FARP1: variants seen among roughly 807,000 people sequenced by gnomAD.
The protein encoded by FARP1 is FERM, ARHGEF and pleckstrin domain-containing protein 1.
Under a neutral mutation model 128.8 loss-of-function variants are expected in FARP1, and 52 were observed. That is an observed-to-expected ratio of 0.40 (90% CI 0.32 to 0.51). The LOEUF is 0.51. Among genes scored for constraint, FARP1 ranks in the 20% least tolerant of loss-of-function variants. The probability of loss-of-function intolerance (pLI) is 0.45; values close to 1 mark genes in which losing one functional copy is unlikely to be tolerated. For synonymous variants in FARP1, 580 were observed against 551.8 expected (o/e 1.05, Z -0.72); for missense variants, 1,333 against 1,367.9 (o/e 0.97, Z 0.40).
chr13:98,159,783 T>A (rs1242449661), intron 1 of FARP1, among the ~76,000 whole-genome samples: 2 of 152,270 alleles, frequency 1.3e-5, no homozygotes, highest in East Asian at 3.9e-4. Context: ...CTTGTGATTT[T>A]AAAAAATATT....
At chr13:98,344,652 T>C (rs145344238) in intron 3 of FARP1, among the ~76,000 whole-genome samples, 113 of 152,266 alleles carry the variant, frequency 7.4e-4, no homozygotes, top group African/African-American at 2.7e-3. Context: ...ATGAGAACAT[T>C]CATTGTGAAG....
intron 1 of FARP1, among the ~76,000 whole-genome samples, chr13:98,180,675 C>T (rs748324622): frequency 6.6e-6 from 1 of 152,060 alleles, no homozygotes; most frequent in Non-Finnish European, 1.5e-5. Context: ...TATTGATGTT[C>T]TTGTTTTCTC....
chr13:98,219,825 C>T (rs1881308710), intron 2 of FARP1, among the ~76,000 whole-genome samples: 1 of 151,992 alleles, frequency 6.6e-6, no homozygotes, highest in African/African-American at 2.4e-5. Context: ...ATCACCACAC[C>T]TAGCTATTTT....
At chr13:98,446,632 C>G in intron 25 of FARP1, 34 bp from the exon 26 acceptor site, 1 of 1,610,176 alleles carries the variant, frequency 6.2e-7, no homozygotes, top group Non-Finnish European at 8.5e-7. Flanking sequence ...AAGCTGACCC[C>G]GAAAAGCCAC....
At chr13:98,400,524 G>C (rs1243199061) in intron 13 of FARP1, 2 of 152,232 alleles carry the variant, frequency 1.3e-5, no homozygotes, top group Admixed American at 6.5e-5. Flanking sequence ...AACTGTAGCT[G>C]TTAGTGAGTA....
rs377325776 is a variant in FARP1, at chr13:98,339,951, C to G, written c.172-3811C>G. Among the ~76,000 whole-genome samples, 8 of 152,284 alleles carry G rather than the reference C, an allele frequency of 5.3e-5. No homozygotes were observed. In the East Asian group the frequency reaches 1.5e-3, roughly 29 times the overall value. ...ACTCAACACGCCCTCATATTGTATG[C>G]ACTCCATACATTCACAGAAACCGCT... On this transcript the variant is annotated intron_variant, in intron 2 of 26. Coordinates refer to ENST00000319562, the MANE Select transcript of FARP1 (RefSeq NM_005766.4).
At position 98,448,646 on chromosome 13, in the gene FARP1, A is replaced by C. The variant is rs139381879; in HGVS notation, c.*329A>C. 104 of 235,660 alleles carry C rather than the reference A, an allele frequency of 4.4e-4. 1 individual carries two copies. In the East Asian group the frequency reaches 0.01, roughly 23 times the overall value. 14.6% of individuals were successfully genotyped at this position (235,660 alleles called of 1,614,324 possible). On this transcript the variant is annotated 3_prime_UTR_variant, in exon 27 of 27. Coordinates refer to ENST00000319562, the MANE Select transcript of FARP1 (RefSeq NM_005766.4). ...AGTACACACACATCCGTTCAACACA[A>C]GACAGGGCAAGTGTTTTTCTTCCTA...
chr13:98,261,511 C>G (rs965226054), intron 2 of FARP1, among the ~76,000 whole-genome samples: 10 of 148,980 alleles, frequency 6.7e-5, no homozygotes, highest in African/African-American at 2.0e-4. Flanking sequence ...GTATGCATGT[C>G]TGTGTACTTT....
At chr13:98,390,157 C>T in intron 10 of FARP1, 37 bp downstream of exon 10, 1 of 1,595,452 alleles carries the variant, frequency 6.3e-7, no homozygotes, top group Non-Finnish European at 8.6e-7. Flanking sequence ...TTGCTGGGTG[C>T]ACGTTTTTCC....
intron 3 of FARP1, among the ~76,000 whole-genome samples, chr13:98,358,728 C>T (rs1322643861): frequency 6.6e-6 from 1 of 152,172 alleles, no homozygotes; most frequent in Admixed American, 6.5e-5. Context: ...CTCCGCCTCG[C>T]AGGTTCAAGT....
At chr13:98,152,560 C>T (rs985395401) in intron 1 of FARP1, among the ~76,000 whole-genome samples, 3 of 152,118 alleles carry the variant, frequency 2.0e-5, no homozygotes, top group Non-Finnish European at 2.9e-5. Flanking sequence ...TTAGATCTTG[C>T]GCACCTGGAG....
intron 2 of FARP1, among the ~76,000 whole-genome samples, chr13:98,321,673 G>A (rs1018138285): frequency 4.6e-5 from 7 of 152,192 alleles, no homozygotes; most frequent in Non-Finnish European, 1.0e-4. Context: ...TGCTTCTTCT[G>A]TGAAATCAGT....
chr13:98,227,241 C>A (rs1275542358), intron 2 of FARP1, among the ~76,000 whole-genome samples: 1 of 152,164 alleles, frequency 6.6e-6, no homozygotes, highest in East Asian at 1.9e-4. Flanking sequence ...CGCGCCCTGG[C>A]CTCCTGTTGC....
At chr13:98,435,984 G>C (rs1196541028) in intron 19 of FARP1, 1 of 413,638 alleles carries the variant, frequency 2.4e-6, no homozygotes, top group Non-Finnish European at 4.7e-6. Flanking sequence ...CAGAAGATTT[G>C]AGATTGCTTA....
chr13:98,168,073 G>T (rs1257558480), intron 1 of FARP1, among the ~76,000 whole-genome samples: 1 of 152,058 alleles, frequency 6.6e-6, no homozygotes, highest in African/African-American at 2.4e-5. Context: ...TTGGGAGGCT[G>T]AGGTGGGAGA....
intron 2 of FARP1, among the ~76,000 whole-genome samples, chr13:98,298,828 T>C (rs1885807266): frequency 6.6e-6 from 1 of 152,206 alleles, no homozygotes; most frequent in Admixed American, 6.5e-5. Context: ...ATGAGTAGTA[T>C]GTTTCTTGCT....
At position 98,421,867 on chromosome 13, in the gene FARP1, AT is replaced by A. The variant is rs562180790; in HGVS notation, c.1827-2697del. On this transcript the variant is annotated intron_variant, in intron 16 of 26. Coordinates refer to ENST00000319562, the MANE Select transcript of FARP1 (RefSeq NM_005766.4). ...GACCCCATATCTTTAAAAAAAAAAAATTTTTTTTAAGAAAATGGAGGAAGAG... is the reference window on the plus strand; with the variant it reads ...GACCCCATATCTTTAAAAAAAAAAAATTTTTTTAAGAAAATGGAGGAAGAG... Among the ~76,000 whole-genome samples, 40 of 148,750 alleles carry A rather than the reference AT, an allele frequency of 2.7e-4. No individual in the cohort carries two copies. The East Asian group carries it at 2.7e-3, about 10-fold the overall frequency.
rs764233372 is a variant in FARP1 at position 98,177,156 on chromosome 13, C to G, written c.-24+33664C>G. ...GCTTTCTGAGGCCTGCAGCCCCTTT[C>G]CGTCCAGGCTTTTTGAAGAGGAAGG... On this transcript the variant is annotated intron_variant, in intron 1 of 26. Coordinates refer to ENST00000319562, the MANE Select transcript of FARP1 (RefSeq NM_005766.4). 4 of 1,607,392 alleles carry G rather than the reference C, an allele frequency of 2.5e-6. No individual in the cohort carries two copies. The East Asian group carries it at 8.9e-5, about 36-fold the overall frequency.
chr13:98,153,330 A>ATAAAATATATAAATATATATATT (rs71120310), intron 1 of FARP1, among the ~76,000 whole-genome samples: 2 of 130,218 alleles, frequency 1.5e-5, no homozygotes, highest in Admixed American at 9.4e-5. Flanking sequence ...TAAATAATAT[A>ATAAAATATATAAATATATATATT]ATATATAAAA....
Sources: allele counts gnomAD v4.1 joint callset (sites outside exome capture counted in the v4.1 genomes callset), GRCh38; gene constraint gnomAD v4.1.1; transcripts MANE v1.5; gene names NCBI Gene and HGNC (gene_info 2026-07-23, HGNC 2026-07-21).